The following PCSK5 variants were observed in gnomAD, a reference collection of about 807,000 sequenced individuals.
PCSK5 encodes the protein proprotein convertase subtilisin/kexin type 5.
Under a neutral mutation model 233.2 loss-of-function variants are expected in PCSK5, and 129 were observed. The observed-to-expected ratio is 0.55, with a 90% CI of 0.48 to 0.64. The LOEUF is 0.64. PCSK5 is among the 30% of genes least tolerant of loss of function. The probability of loss-of-function intolerance (pLI) is 0.00; values close to 1 mark genes in which losing one functional copy is unlikely to be tolerated. For synonymous variants in PCSK5, 825 were observed against 879.2 expected (o/e 0.94, Z 1.09); for missense variants, 2,076 against 2,430.1 (o/e 0.85, Z 3.06).
chr9:75,902,578 T>G (rs554055823), intron 1 of PCSK5, among the ~76,000 whole-genome samples: 1 of 152,258 alleles, frequency 6.6e-6, no homozygotes, highest in African/African-American at 2.4e-5. Flanking sequence ...GTCCAGGGTA[T>G]GGAGATGCAG....
At chr9:75,910,135 T>G (rs76072683) in intron 1 of PCSK5, among the ~76,000 whole-genome samples, 3,995 of 152,316 alleles carry the variant, frequency 0.026, 83 homozygotes, top group South Asian at 0.065. Context: ...TTCACTCTAG[T>G]GGAACCTAGT....
At chr9:76,122,838 T>C (rs1325702296) in intron 9 of PCSK5, among the ~76,000 whole-genome samples, 1 of 150,490 alleles carries the variant, frequency 6.6e-6, no homozygotes, top group African/African-American at 2.4e-5. Flanking sequence ...TTTTTTTTTT[T>C]TTTTTAATTG....
chr9:76,022,632 T>C (rs1234653976), intron 3 of PCSK5, among the ~76,000 whole-genome samples: 1 of 152,166 alleles, frequency 6.6e-6, no homozygotes, highest in Non-Finnish European at 1.5e-5. Context: ...AACAATTGTG[T>C]GGGTTAGATG....
At chr9:76,213,709 TCTAA>T (rs1825413801) in intron 20 of PCSK5, among the ~76,000 whole-genome samples, 1 of 152,168 alleles carries the variant, frequency 6.6e-6, no homozygotes, top group Non-Finnish European at 1.5e-5. Flanking sequence ...TTGATACCCC[TCTAA>T]CTGATGTTCC....
intron 20 of PCSK5, among the ~76,000 whole-genome samples, chr9:76,220,886 T>C (rs984754651): frequency 6.6e-6 from 1 of 152,202 alleles, no homozygotes. Flanking sequence ...AACTGAAATG[T>C]TGTATCCTTT....
chr9:76,163,089 G>A (rs1822939005), intron 12 of PCSK5, among the ~76,000 whole-genome samples: 1 of 152,238 alleles, frequency 6.6e-6, no homozygotes, highest in Non-Finnish European at 1.5e-5. Context: ...CTCCTTTTCA[G>A]TATTGACAAA....
At chr9:75,974,412 G>A (rs1235140653) in intron 2 of PCSK5, among the ~76,000 whole-genome samples, 2 of 152,134 alleles carry the variant, frequency 1.3e-5, no homozygotes, top group Non-Finnish European at 2.9e-5. Context: ...GAAAACATTC[G>A]GTTTGCCTCA....
chr9:76,272,142 A>G (rs1260859592), intron 24 of PCSK5, among the ~76,000 whole-genome samples: 1 of 152,204 alleles, frequency 6.6e-6, no homozygotes, highest in Non-Finnish European at 1.5e-5. Context: ...TAGAGTACAC[A>G]TTCATAGGTA....
intron 24 of PCSK5, among the ~76,000 whole-genome samples, chr9:76,248,102 A>AAAT: frequency 6.6e-6 from 1 of 151,556 alleles, no homozygotes; most frequent in East Asian, 1.9e-4. Flanking sequence ...TTTTAAAAAA[A>AAAT]TTTTTTTTTA....
chr9:76,233,080 T>G (rs1315113146), intron 21 of PCSK5, among the ~76,000 whole-genome samples: 1 of 152,228 alleles, frequency 6.6e-6, no homozygotes, highest in East Asian at 1.9e-4. Context: ...GAAGAATATT[T>G]TCTCCAAGGC....
chr9:75,986,032 T>TTC (rs1826498456), intron 2 of PCSK5, 100 bp from the exon 3 acceptor site: 6 of 710,544 alleles, frequency 8.4e-6, no homozygotes, highest in African/African-American at 3.5e-5. Flanking sequence ...ACTTGTGACT[T>TTC]AAATAGCCTT....
chr9:76,027,120 A>G, intron 5 of PCSK5, 83 bp downstream of exon 5: 1 of 817,386 alleles, frequency 1.2e-6, no homozygotes, highest in Non-Finnish European at 2.0e-6. Flanking sequence ...TATTTTCTTC[A>G]AAATCCTTGA....
At chr9:76,064,093 C>T (rs1225107640) in intron 5 of PCSK5, among the ~76,000 whole-genome samples, 5 of 119,100 alleles carry the variant, frequency 4.2e-5, no homozygotes, top group South Asian at 3.1e-4. Flanking sequence ...TGGGCAGAGG[C>T]GCCCCTCACC....
chr9:76,270,673 C>G (rs921180965), intron 24 of PCSK5, among the ~76,000 whole-genome samples: 1 of 152,182 alleles, frequency 6.6e-6, no homozygotes, highest in Non-Finnish European at 1.5e-5. Flanking sequence ...GGCCTGCAGC[C>G]TGGAGAGACA....
intron 5 of PCSK5, among the ~76,000 whole-genome samples, chr9:76,062,106 G>C (rs986931278): frequency 1.3e-5 from 2 of 152,112 alleles, no homozygotes; most frequent in Admixed American, 6.5e-5. Flanking sequence ...AAATTAGCCT[G>C]CTGTGGTGGT....
chr9:76,046,174 T>G (rs201592863), intron 5 of PCSK5, among the ~76,000 whole-genome samples: 1,148 of 109,568 alleles, frequency 0.01, 18 homozygotes, highest in Non-Finnish European at 0.015. Context: ...TTTTTTTTTT[T>G]TTTTTTTTTT....
chr9:75,891,002 C>A lies in PCSK5; in HGVS notation c.-180C>A. ...GCCCCAGGGATGGTCTAGGAGCCGG[C>A]GTAAGGCTCGCTGCTCTGCTCCCTG... On this transcript the variant is annotated 5_prime_UTR_variant, in exon 1 of 38. Coordinates refer to ENST00000674117, the MANE Select transcript of PCSK5 (RefSeq NM_001372043.1). 2.1e-6 allele frequency: 1 copy of A among 485,200 alleles called. No individual in the cohort carries two copies. Among genetic ancestry groups the A allele is most frequent in the Admixed American group, 4.4e-5 (1 of 22,718 alleles). The allele number at this position is 485,200 out of a possible 1,614,324, so 30.1% of individuals were successfully genotyped here. A position where few individuals can be genotyped will look rare whatever the true frequency, so the allele number is the denominator to read the frequency against.
chr9:76,171,688 T>C (rs1185095091), intron 13 of PCSK5, among the ~76,000 whole-genome samples: 5 of 152,226 alleles, frequency 3.3e-5, no homozygotes, highest in Non-Finnish European at 7.3e-5. Flanking sequence ...TAGAGTTACC[T>C]ATTTCATAGC....
At chr9:75,893,008 G>A (rs1358224075) in intron 1 of PCSK5, among the ~76,000 whole-genome samples, 1 of 152,136 alleles carries the variant, frequency 6.6e-6, no homozygotes, top group Admixed American at 6.5e-5. Context: ...TTTTTCTCTG[G>A]AAGAAAACAC....
Sources: gnomAD v4.1 joint callset for allele counts (sites outside exome capture counted in the v4.1 genomes callset) on GRCh38, gnomAD v4.1.1 for gene constraint, MANE v1.5 for transcripts, NCBI Gene and HGNC (gene_info 2026-07-23, HGNC 2026-07-21) for gene names.